USP32: variants seen among roughly 807,000 people sequenced by gnomAD.
The protein encoded by USP32 is ubiquitin specific peptidase 32.
A neutral mutation model predicts 204.8 loss-of-function variants in USP32; 59 were observed. The observed-to-expected ratio is 0.29, with a 90% CI of 0.23 to 0.36. The LOEUF is 0.36. USP32 is among the 10% of genes least tolerant of loss of function. The pLI is 1.00. For missense variants in USP32, 1,160 were observed against 1,946.4 expected (o/e 0.60, Z 7.60); for synonymous variants, 517 against 678.4 (o/e 0.76, Z 3.70).
At chr17:60,243,148 G>A (rs929841258) in intron 11 of USP32, among the ~76,000 whole-genome samples, 2 of 151,900 alleles carry the variant, frequency 1.3e-5, no homozygotes, top group African/African-American at 4.8e-5. Context: ...CTTTTTAATT[G>A]TACTTTCAAA....
intron 1 of USP32, among the ~76,000 whole-genome samples, chr17:60,346,804 C>T (rs2088797326): frequency 6.6e-6 from 1 of 152,128 alleles, no homozygotes; most frequent in Non-Finnish European, 1.5e-5. Context: ...GCAAAATGAA[C>T]AAGGATATGC....
intron 2 of USP32, among the ~76,000 whole-genome samples, chr17:60,309,901 G>A (rs376845401): frequency 5.3e-5 from 8 of 152,046 alleles, no homozygotes; most frequent in African/African-American, 1.4e-4. Context: ...AAAATTAGCC[G>A]GGCATGGTGG....
intron 5 of USP32, among the ~76,000 whole-genome samples, chr17:60,280,064 CT>C (rs1483617022): frequency 2.0e-5 from 3 of 151,686 alleles, no homozygotes; most frequent in Admixed American, 6.6e-5. Context: ...ATGACAAAAT[CT>C]AAAATCTTGG....
chr17:60,248,170 G>GT (rs58104847), intron 11 of USP32, among the ~76,000 whole-genome samples: 10,237 of 152,060 alleles, frequency 0.067, 1,212 homozygotes, highest in African/African-American at 0.23. Flanking sequence ...TGCTTTTTTG[G>GT]TTTTTTCCTT....
intron 9 of USP32, among the ~76,000 whole-genome samples, chr17:60,259,226 A>G (rs1033038175): frequency 6.6e-6 from 1 of 152,188 alleles, no homozygotes; most frequent in Non-Finnish European, 1.5e-5. Context: ...CTGAGAAGAT[A>G]AAGACCAACC....
At chr17:60,399,845 C>G (rs1267031844) in intron 1 of USP32, among the ~76,000 whole-genome samples, 1 of 152,098 alleles carries the variant, frequency 6.6e-6, no homozygotes, top group Non-Finnish European at 1.5e-5. Flanking sequence ...TAAGGGCCAG[C>G]AAGGAAGCAA....
At chr17:60,302,810 T>A (rs1292613789) in intron 2 of USP32, among the ~76,000 whole-genome samples, 2 of 152,182 alleles carry the variant, frequency 1.3e-5, no homozygotes, top group Non-Finnish European at 2.9e-5. Flanking sequence ...CAAAAAAATA[T>A]TTTTTAACAC....
At chr17:60,195,688 A>C (rs2084496407) in intron 27 of USP32, among the ~76,000 whole-genome samples, 1 of 152,186 alleles carries the variant, frequency 6.6e-6, no homozygotes, top group Admixed American at 6.6e-5. Flanking sequence ...AAATGTCGGA[A>C]TGCGTATGAA....
intron 2 of USP32, among the ~76,000 whole-genome samples, chr17:60,323,587 A>G (rs2088163113): frequency 6.6e-6 from 1 of 152,214 alleles, no homozygotes; most frequent in African/African-American, 2.4e-5. Context: ...TATACTTTAA[A>G]TGTGTGAATA....
At position 60,319,264 on chromosome 17, in the gene USP32, C is replaced by G. The variant is rs182299584; in HGVS notation, c.187-17560G>C. ...AAATATTATGTTTTATATATTTTGC[C>G]ACAACAAAAATTTTAAAACATAGTA... is the stretch of plus-strand genomic sequence containing the variant. On this transcript the variant is annotated intron_variant, in intron 2 of 33. Transcript: ENST00000300896. Among the ~76,000 whole-genome samples, 51 of 151,888 alleles carry G rather than the reference C, an allele frequency of 3.4e-4. No homozygotes were observed. The East Asian group carries it at 9.5e-3, about 28-fold the overall frequency.
chr17:60,260,632 A>C (rs2086428910), intron 9 of USP32, among the ~76,000 whole-genome samples: 1 of 151,996 alleles, frequency 6.6e-6, no homozygotes, highest in Non-Finnish European at 1.5e-5. Flanking sequence ...CATATGAAAG[A>C]TGCTTAGTAA....
chr17:60,364,366 T>A (rs921517425), intron 1 of USP32, among the ~76,000 whole-genome samples: 1 of 152,172 alleles, frequency 6.6e-6, no homozygotes, highest in Non-Finnish European at 1.5e-5. Context: ...CAATCATATT[T>A]ATTTGGTTTT....
chr17:60,415,604 G>A (rs2090053920), intron 1 of USP32, among the ~76,000 whole-genome samples: 1 of 152,160 alleles, frequency 6.6e-6, no homozygotes, highest in Non-Finnish European at 1.5e-5. Flanking sequence ...GCCCATTGGT[G>A]GATTAAGACA....
rs550645419 is a variant in USP32, at chr17:60,309,549, C to A, written c.187-7845G>T. 3.9e-5 allele frequency among the ~76,000 whole-genome samples: 6 copies of A among 152,088 alleles called. No homozygotes were observed. The South Asian group carries it at 1.2e-3, about 32-fold the overall frequency. ...TCCAGGAGGCCGATGTTGCAGTGGG[C>A]CAAGACTGCACTACTGCTCTCCAGT... On this transcript the variant is annotated intron_variant, in intron 2 of 33. Coordinates refer to ENST00000300896, the MANE Select transcript of USP32 (RefSeq NM_032582.4).
At chr17:60,289,857 G>A (rs1025961027) in intron 4 of USP32, among the ~76,000 whole-genome samples, 4 of 152,094 alleles carry the variant, frequency 2.6e-5, no homozygotes, top group African/African-American at 7.2e-5. Flanking sequence ...TAAAGAATAC[G>A]AATAATTAGT....
At position 60,265,979 on chromosome 17, in the gene USP32, A is replaced by G; in HGVS notation, c.924T>C (p.Ile308=). 1 of 1,611,940 alleles carries G rather than the reference A, an allele frequency of 6.2e-7. No individual in the cohort carries two copies. The highest frequency in any genetic ancestry group is 8.5e-7 in the Non-Finnish European group (1 of 1,178,166). Residue 308 remains isoleucine (I), a synonymous_variant, in exon 8 of 34, where the codon ATT becomes ATC. Transcript: ENST00000300896. The part of the protein sequence containing the change: ...EVWKDNRTDD[I]PELHMDLSDI... Reference sequence around the variant, plus strand: ...GACATACACAATCATAACTTACAGGAATATCATCAGTGCGGTTGTCCTTCC... The same window carrying G: ...GACATACACAATCATAACTTACAGGGATATCATCAGTGCGGTTGTCCTTCC...
intron 1 of USP32, among the ~76,000 whole-genome samples, chr17:60,353,199 C>G (rs2088991225): frequency 6.6e-6 from 1 of 152,066 alleles, no homozygotes; most frequent in African/African-American, 2.4e-5. Context: ...CACCAAAGGG[C>G]TCAAGCGCAA....
Position 60,177,746 on chromosome 17 carries a change from G to C in USP32, c.*1509C>G, listed in dbSNP as rs1279516932. 2.0e-5 allele frequency among the ~76,000 whole-genome samples: 3 copies of C among 152,138 alleles called. No individual in the cohort carries two copies. Among genetic ancestry groups the C allele is most frequent in the African/African-American group, 4.8e-5 (2 of 41,416 alleles). ...GATTTCAATTTAGGTAGCCATTTAAGATAACCTTTCCAAATGCTCTGAGAA... is the reference window on the plus strand; with the variant it reads ...GATTTCAATTTAGGTAGCCATTTAACATAACCTTTCCAAATGCTCTGAGAA... On this transcript the variant is annotated 3_prime_UTR_variant, in exon 34 of 34. Transcript: ENST00000300896.
At chr17:60,245,075 A>G (rs1474739784) in intron 11 of USP32, among the ~76,000 whole-genome samples, 1 of 152,260 alleles carries the variant, frequency 6.6e-6, no homozygotes, top group East Asian at 1.9e-4. Context: ...TGTCACTCAT[A>G]TAAGATCGTT....
Sources: allele counts gnomAD v4.1 joint callset (sites outside exome capture counted in the v4.1 genomes callset), GRCh38; gene constraint gnomAD v4.1.1; transcripts MANE v1.5; gene names NCBI Gene and HGNC (gene_info 2026-07-23, HGNC 2026-07-21).